Variants in SHPK observed in about 807,000 individuals in gnomAD.
SHPK encodes the protein carbohydrate kinase-like protein.
A neutral mutation model predicts 46.3 loss-of-function variants in SHPK; 51 were observed. That is an observed-to-expected ratio of 1.10 (90% confidence interval 0.88 to 1.39). The LOEUF (loss-of-function observed/expected upper bound fraction) is 1.39, where lower values mean the gene tolerates loss of function less well. Among genes scored for constraint, SHPK ranks in the 40% most tolerant of loss-of-function variants. The pLI is 0.00. For missense variants in SHPK, 668 were observed against 641.3 expected, an observed-to-expected ratio of 1.04 and a Z score of -0.45; for synonymous variants, 290 against 273.9, an observed-to-expected ratio of 1.06 and a Z score of -0.58.
intron 1 of SHPK, among the ~76,000 whole-genome samples, chr17:3,635,347 T>C (rs1036046976): frequency 5.9e-5 from 9 of 151,788 alleles, no homozygotes; most frequent in African/African-American, 2.2e-4. Context: ...GCCATTCTCC[T>C]GCCTCAGCCT....
intron 4 of SHPK, among the ~76,000 whole-genome samples, chr17:3,622,997 G>A (rs1289775535): frequency 3.9e-5 from 6 of 152,174 alleles, no homozygotes; most frequent in Admixed American, 6.5e-5. Context: ...GAGCCACCGC[G>A]CCTGGCTCTC....
rs147282051 is a variant in SHPK, at chr17:3,610,805, C to T, written c.1192G>A (p.Val398Met). The T allele has an allele frequency of 1.3e-5, 21 of 1,614,050 alleles. No individual in the cohort carries two copies. In the African/African-American group the frequency reaches 1.3e-4, roughly 10 times the overall value. The part of the protein sequence containing the change: ...ISSSDLSLGH[V>M]TRALCRGIVQ... ...ATGCCTCGGCACAGAGCCCGGGTCA[C>T]GTGCCCCAGGGAGAGGTCGGAGGAG... Residue 398 changes from valine to methionine, a missense_variant, in exon 7 of 7, where the codon GTG (valine) becomes ATG (methionine). Physicochemically the swap from Val to Met is conservative, Grantham distance 21. Transcript: ENST00000225519.
At chr17:3,636,003 G>T (rs985823287) in intron 1 of SHPK, 49 bp downstream of exon 1, 11 of 1,483,148 alleles carry the variant, frequency 7.4e-6, no homozygotes, top group Admixed American at 2.5e-5. Flanking sequence ...GTGGAAAAGG[G>T]TGGTCAGGAG....
intron 2 of SHPK, among the ~76,000 whole-genome samples, chr17:3,625,895 A>C (rs955992823): frequency 4.6e-5 from 7 of 152,162 alleles, no homozygotes; most frequent in African/African-American, 1.7e-4. Flanking sequence ...TCTACAAAAA[A>C]TACAAAAATT....
intron 2 of SHPK, among the ~76,000 whole-genome samples, chr17:3,625,574 A>AC (rs1555554795): frequency 6.6e-6 from 1 of 151,872 alleles, no homozygotes; most frequent in African/African-American, 2.4e-5. Context: ...AGCCACCGTG[A>AC]CCCCCTGGAC....
At chr17:3,627,712 G>T (rs554259768) in intron 2 of SHPK, among the ~76,000 whole-genome samples, 1 of 151,466 alleles carries the variant, frequency 6.6e-6, no homozygotes, top group South Asian at 2.1e-4. Context: ...CTGATGGTTT[G>T]TGTGGTTGTT....
At chr17:3,633,408 T>TG (rs2075485279) in intron 1 of SHPK, among the ~76,000 whole-genome samples, 1 of 151,200 alleles carries the variant, frequency 6.6e-6, no homozygotes, top group African/African-American at 2.4e-5. Context: ...TGGCATCTAG[T>TG]GGGCCAGAGA....
chr17:3,611,085 G>T, intron 6 of SHPK, 113 bp from the exon 7 acceptor site: 1 of 1,003,306 alleles, frequency 1.0e-6, no homozygotes, highest in Non-Finnish European at 1.4e-6. Flanking sequence ...TTCTCCTCCC[G>T]CTGCAGCTGG....
intron 4 of SHPK, among the ~76,000 whole-genome samples, chr17:3,621,742 T>G (rs973444943): frequency 6.6e-6 from 1 of 151,734 alleles, no homozygotes; most frequent in East Asian, 1.9e-4. Context: ...AACCTCCACC[T>G]CCCAGGTTCA....
In SHPK at chr17:3,615,410, CA is replaced by C. The variant is rs2075366339; in HGVS notation, c.950del (p.Val317GlyfsTer25). On this transcript the variant is annotated frameshift_variant, in exon 6 of 7. Coordinates refer to ENST00000225519, the MANE Select transcript of SHPK (RefSeq NM_013276.4). LOFTEE classifies it high-confidence loss of function. Reference sequence around the variant, plus strand: ...CATTGCCCCCGTTGAGTGACGCGGCCACCCCCAGGTAGGTCCTGTTGAAGTA... The same window carrying C: ...CATTGCCCCCGTTGAGTGACGCGGCCCCCCCAGGTAGGTCCTGTTGAAGTA... ...FPYFNRTYLG[V>X]AASLNGGNVL... 3.1e-6 allele frequency: 5 copies of C among 1,614,198 alleles called. No individual in the cohort carries two copies. Among genetic ancestry groups the C allele is most frequent in the African/African-American group, 1.3e-5 (1 of 75,056 alleles).
intron 6 of SHPK, among the ~76,000 whole-genome samples, chr17:3,614,430 C>G (rs2075360071): frequency 6.6e-6 from 1 of 152,020 alleles, no homozygotes; most frequent in African/African-American, 2.4e-5. Context: ...GAGGCTGAGG[C>G]AGGAGAATGG....
At position 3,624,125 on chromosome 17, in the gene SHPK, A is replaced by T. The variant is rs1243220720; in HGVS notation, c.417T>A (p.Ser139=). 6.2e-7 allele frequency: 1 copy of T among 1,614,170 alleles called. No individual in the cohort carries two copies. The highest frequency in any genetic ancestry group is 1.1e-5 in the South Asian group (1 of 91,082). ...TGAGATGAGACTTCGGCTGGGGCAG[A>T]GAGGCCAGGAATTCGCTGCTACATC... ...DGRCSSEFLA[S]LPQPKSHLSV... Residue 139 remains serine (S), a synonymous_variant, in exon 3 of 7, where the codon TCT becomes TCA. Coordinates refer to ENST00000225519, the MANE Select transcript of SHPK (RefSeq NM_013276.4).
rs776223051 is a variant in SHPK, at chr17:3,636,232, C to G, written c.-13G>C. 6.3e-7 allele frequency: 1 copy of G among 1,589,922 alleles called. No homozygotes were observed. Among genetic ancestry groups the G allele is most frequent in the East Asian group, 2.3e-5 (1 of 43,682 alleles). ...GCCGCGCAGCCATTATCTCCCTGAC[C>G]CGCGCAGCTCCAGTCTGCAGCCAGC... On this transcript the variant is annotated 5_prime_UTR_variant, in exon 1 of 7. Transcript: ENST00000225519.
Position 3,610,660 on chromosome 17 carries a change from C to T in SHPK, c.1337G>A (p.Arg446Lys). The part of the protein sequence containing the change: ...RNDVLKQEVQ[R>K]AFPLPMSFGQ... The stretch of plus-strand genomic sequence containing the variant: ...AAAGGACATGGGCAAAGGGAAAGCC[C>T]TCTGCACCTCCTGCTTCAGCACGTC... The change falls in exon 7 of 7, where the codon AGG (arginine) becomes AAG (lysine). Residue 446 changes from arginine (R) to lysine (K), a missense_variant. Physicochemically the swap from Arg to Lys is conservative, Grantham distance 26 (BLOSUM62 2). Transcript: ENST00000225519. 2 of 1,614,094 alleles carry T rather than the reference C, an allele frequency of 1.2e-6. No homozygotes were observed. Among genetic ancestry groups the T allele is most frequent in the Non-Finnish European group, 1.7e-6 (2 of 1,180,038 alleles).
chr17:3,634,433 A>T (rs1240313381), intron 1 of SHPK, among the ~76,000 whole-genome samples: 3 of 151,654 alleles, frequency 2.0e-5, no homozygotes, highest in Non-Finnish European at 4.4e-5. Context: ...TTCTCCAAGC[A>T]TGGTGGCGCA....
chr17:3,615,409 C>G lies in SHPK; in HGVS notation c.952G>C (p.Ala318Pro), dbSNP rs1408689275. The stretch of plus-strand genomic sequence containing the variant: ...ACATTGCCCCCGTTGAGTGACGCGG[C>G]CACCCCCAGGTAGGTCCTGTTGAAG... ...PYFNRTYLGV[A>P]ASLNGGNVLA... Residue 318 changes from alanine (A) to proline (P), a missense_variant, in exon 6 of 7, where the codon GCC becomes CCC. Coordinates refer to ENST00000225519, the MANE Select transcript of SHPK (RefSeq NM_013276.4). The G allele has an allele frequency of 5.0e-6, 8 of 1,614,176 alleles. No individual in the cohort carries two copies. The highest frequency in any genetic ancestry group is 6.8e-6 in the Non-Finnish European group (8 of 1,180,024).
In SHPK at chr17:3,615,465, TCTGGAGTCTGTGCAGG is replaced by T; in HGVS notation, c.880_895del (p.Pro294ThrfsTer43). On this transcript the variant is annotated frameshift_variant, in exon 6 of 7. Transcript: ENST00000225519. LOFTEE classifies it high-confidence loss of function. ...GAAGTAGGCGACTGGGGCCGTAGGG[TCTGGAGTCTGTGCAGG>T]CTGGAATCCTGAAGGCATGGAGGCT... 1.2e-6 allele frequency: 2 copies of T among 1,613,934 alleles called. No homozygotes were observed. The highest frequency in any genetic ancestry group is 1.7e-6 in the Non-Finnish European group (2 of 1,179,986).
rs570178203 is a variant in SHPK, at chr17:3,612,485, T to C, written c.1025-1513A>G. ...ACTTTGACCTTAGAATCACTTTTGATCTATAACCTCGCATGACCTGAGGGA... is the reference window on the plus strand; with the variant it reads ...ACTTTGACCTTAGAATCACTTTTGACCTATAACCTCGCATGACCTGAGGGA... On this transcript the variant is annotated intron_variant, in intron 6 of 6. Transcript: ENST00000225519. Among the ~76,000 whole-genome samples the C allele has an allele frequency of 7.9e-5, 12 of 151,164 alleles. No individual in the cohort carries two copies. The South Asian group carries it at 2.5e-3, about 32-fold the overall frequency.
chr17:3,632,389 C>T (rs1464541983), intron 1 of SHPK, among the ~76,000 whole-genome samples: 1 of 152,144 alleles, frequency 6.6e-6, no homozygotes, highest in Non-Finnish European at 1.5e-5. Context: ...TTGAGACCAG[C>T]CTGAGACCAG....
Sources: allele counts gnomAD v4.1 joint callset (sites outside exome capture counted in the v4.1 genomes callset), GRCh38; gene constraint gnomAD v4.1.1; transcripts MANE v1.5; gene names NCBI Gene and HGNC (gene_info 2026-07-23, HGNC 2026-07-21).